The following ATP8A1 variants were observed in gnomAD, a reference collection of about 807,000 sequenced individuals.
ATP8A1 encodes ATPase phospholipid transporting 8A1.
A neutral mutation model predicts 177.7 loss-of-function variants in ATP8A1; 90 were observed. The ratio of observed to expected loss-of-function variants is 0.51; its 90% confidence interval spans 0.43 to 0.60. The LOEUF (loss-of-function observed/expected upper bound fraction) is 0.60. ATP8A1 is among the 20% of genes least tolerant of loss of function. ATP8A1 has a pLI of 0.00. For synonymous variants in ATP8A1, 493 were observed against 485.9 expected, an observed-to-expected ratio of 1.01 and a Z score of -0.19; for missense variants, 1,072 against 1,392.8, an observed-to-expected ratio of 0.77 and a Z score of 3.67.
chr4:42,562,586 A>G (rs1730947606), intron 15 of ATP8A1, among the ~76,000 whole-genome samples: 1 of 152,226 alleles, frequency 6.6e-6, no homozygotes, highest in Non-Finnish European at 1.5e-5. Flanking sequence ...TTTTTGTTAG[A>G]TACTGGTTTT....
At chr4:42,551,700 A>G (rs1357245693) in intron 17 of ATP8A1, among the ~76,000 whole-genome samples, 1 of 152,224 alleles carries the variant, frequency 6.6e-6, no homozygotes, top group Non-Finnish European at 1.5e-5. Context: ...CAGTTTAAAC[A>G]AGCTTTAAAT....
At position 42,590,957 on chromosome 4, in the gene ATP8A1, G is replaced by T. The variant is rs950497447; in HGVS notation, c.451-73C>A. 14 of 1,303,220 alleles carry T rather than the reference G, an allele frequency of 1.1e-5. No individual in the cohort carries two copies. In the Middle Eastern group the frequency reaches 1.1e-3, roughly 104 times the overall value. 80.7% of individuals were successfully genotyped at this position (1,303,220 alleles called of 1,614,324 possible). On this transcript the variant is annotated intron_variant, in intron 6 of 36. Transcript: ENST00000381668. ...AACAGAGGAAAAAAAACAAACAAATGGACAAAAGAGACAGAAAGTTCGAAA... is the reference window on the plus strand; with the variant it reads ...AACAGAGGAAAAAAAACAAACAAATTGACAAAAGAGACAGAAAGTTCGAAA...
intron 3 of ATP8A1, 84 bp downstream of exon 3, chr4:42,625,530 T>C (rs1737970976): frequency 1.1e-6 from 1 of 883,126 alleles, no homozygotes; most frequent in Admixed American, 2.8e-5. Flanking sequence ...CTCTCGGCAT[T>C]TACATAAACC....
At chr4:42,615,910 T>A in intron 5 of ATP8A1, 123 bp downstream of exon 5, 1 of 838,858 alleles carries the variant, frequency 1.2e-6, no homozygotes. Flanking sequence ...CAAAAATCAA[T>A]CTACCCCAAA....
chr4:42,574,750 T>C (rs1206589908), intron 13 of ATP8A1, 43 bp from the exon 14 acceptor site: 1 of 1,382,958 alleles, frequency 7.2e-7, no homozygotes, highest in Non-Finnish European at 1.0e-6. Flanking sequence ...TGAAAGTCTT[T>C]ATGCCACTCT....
intron 33 of ATP8A1, among the ~76,000 whole-genome samples, chr4:42,430,154 G>GA (rs921432271): frequency 2.6e-4 from 39 of 147,248 alleles, no homozygotes; most frequent in Admixed American, 6.7e-4. Flanking sequence ...AAATGAAAAA[G>GA]AAAAAAAAAA....
chr4:42,586,657 G>A (rs1464596213), intron 8 of ATP8A1, among the ~76,000 whole-genome samples, 181 bp from the exon 9 acceptor site: 1 of 152,096 alleles, frequency 6.6e-6, no homozygotes, highest in East Asian at 1.9e-4. Flanking sequence ...CTTGAGCACA[G>A]GTTTTTAGCG....
chr4:42,522,910 G>A (rs968513051), intron 21 of ATP8A1, among the ~76,000 whole-genome samples: 8 of 152,106 alleles, frequency 5.3e-5, no homozygotes, highest in Admixed American at 2.0e-4. Context: ...AAAGCACTTG[G>A]AAAGCAGGGA....
chr4:42,589,704 A>C (rs1313528749), intron 7 of ATP8A1, among the ~76,000 whole-genome samples: 1 of 152,144 alleles, frequency 6.6e-6, no homozygotes, highest in Non-Finnish European at 1.5e-5. Flanking sequence ...AATTGCTCGA[A>C]ATTTGTAATT....
chr4:42,468,430 T>TACACACACACAC (rs139371340), intron 25 of ATP8A1, among the ~76,000 whole-genome samples: 18 of 150,516 alleles, frequency 1.2e-4, no homozygotes, highest in South Asian at 2.1e-4. Context: ...ATATATTTTA[T>TACACACACACAC]ACACACACAC....
intron 33 of ATP8A1, among the ~76,000 whole-genome samples, chr4:42,438,909 G>A (rs1438724795): frequency 6.6e-6 from 1 of 152,074 alleles, no homozygotes; most frequent in Non-Finnish European, 1.5e-5. Context: ...TAAACATAGC[G>A]CCTGGAGAAC....
intron 9 of ATP8A1, among the ~76,000 whole-genome samples, chr4:42,585,109 G>C (rs1733488240): frequency 6.6e-6 from 1 of 151,932 alleles, no homozygotes; most frequent in African/African-American, 2.4e-5. Flanking sequence ...CTTCCATCTG[G>C]AATTATCTCC....
intron 20 of ATP8A1, among the ~76,000 whole-genome samples, chr4:42,540,094 C>A (rs533311882): frequency 2.0e-5 from 3 of 152,048 alleles, no homozygotes; most frequent in African/African-American, 7.2e-5. Flanking sequence ...CAACAGGCAA[C>A]AAATAATTCC....
At chr4:42,460,038 C>G (rs373615399) in intron 27 of ATP8A1, among the ~76,000 whole-genome samples, 2 of 152,048 alleles carry the variant, frequency 1.3e-5, no homozygotes, top group Non-Finnish European at 2.9e-5. Flanking sequence ...TGATCCACCC[C>G]CCTCGGCCTC....
At chr4:42,478,300 C>G (rs1033627479) in intron 25 of ATP8A1, among the ~76,000 whole-genome samples, 4 of 151,828 alleles carry the variant, frequency 2.6e-5, no homozygotes, top group African/African-American at 9.7e-5. Flanking sequence ...GGATGGCGTA[C>G]GTAGAGGTTG....
At chr4:42,507,211 A>G (rs544169346) in intron 22 of ATP8A1, 57 bp from the exon 23 acceptor site, 1 of 1,561,598 alleles carries the variant, frequency 6.4e-7, no homozygotes, top group East Asian at 2.2e-5. Flanking sequence ...CTTTAAAAAC[A>G]AAAAATTGAA....
chr4:42,435,426 C>CAAAAAAA lies in ATP8A1; in HGVS notation c.3123+8132_3123+8138dup, dbSNP rs55945370. Among the ~76,000 whole-genome samples, 170 of 93,886 alleles carry CAAAAAAA rather than the reference C, an allele frequency of 1.8e-3. 7 individuals carry two copies. The highest frequency in any genetic ancestry group is 3.8e-3 in the African/African-American group (100 of 26,630). 61.6% of individuals were successfully genotyped at this position (93,886 alleles called of 152,430 possible). ...GGGGGACAAGAGCGAGACTTCATCT[C>CAAAAAAA]AAAAAAAAAAAAAAAAAAAAAAACA... is the stretch of plus-strand genomic sequence containing the variant. On this transcript the variant is annotated intron_variant, in intron 33 of 36. Transcript: ENST00000381668.
intron 9 of ATP8A1, among the ~76,000 whole-genome samples, chr4:42,582,337 T>C (rs1387550166): frequency 3.3e-5 from 5 of 152,134 alleles, no homozygotes; most frequent in Admixed American, 6.6e-5. Context: ...ACCAAAATAA[T>C]AGGTAATGTT....
intron 15 of ATP8A1, among the ~76,000 whole-genome samples, chr4:42,566,543 G>T (rs1731367561): frequency 6.6e-6 from 1 of 152,156 alleles, no homozygotes; most frequent in African/African-American, 2.4e-5. Context: ...ATGCCCTCAT[G>T]CTAACTTTAC....
Sources: allele counts gnomAD v4.1 joint callset (sites outside exome capture counted in the v4.1 genomes callset), GRCh38; gene constraint gnomAD v4.1.1; transcripts MANE v1.5; gene names NCBI Gene and HGNC (gene_info 2026-07-23, HGNC 2026-07-21).